ZKSCAN1: variants seen among roughly 807,000 people sequenced by gnomAD.
ZKSCAN1 encodes zinc finger with KRAB and SCAN domains 1.
In ZKSCAN1, 14 loss-of-function variants were observed where a neutral mutation model predicts 51.6. The ratio of observed to expected loss-of-function variants is 0.27; its 90% CI spans 0.18 to 0.42. ZKSCAN1 has a LOEUF of 0.42. Among genes scored for constraint, ZKSCAN1 ranks in the 10% least tolerant of loss-of-function variants. ZKSCAN1 has a pLI of 1.00. For missense variants in ZKSCAN1, 531 were observed against 710.0 expected (o/e 0.75, Z 2.86); for synonymous variants, 263 against 261.5 (o/e 1.01, Z -0.06).
downstream of ZKSCAN1, among the ~76,000 whole-genome samples, chr7:100,042,009 C>T (rs1463719470): frequency 2.0e-5 from 3 of 152,050 alleles, no homozygotes; most frequent in African/African-American, 7.2e-5. Flanking sequence ...TTACTGATAA[C>T]AACAGACTCT....
At position 100,027,837 on chromosome 7, in the gene ZKSCAN1, A is replaced by T. The variant is rs984939777; in HGVS notation, c.581-2024A>T. The stretch of plus-strand genomic sequence containing the variant: ...TAAGGTTTCTCCACACTCTACAAGC[A>T]GAAGTCACAGGGCGACCTTAGGAAA... On this transcript the variant is annotated intron_variant, in intron 3 of 5. Coordinates refer to ENST00000324306, the MANE Select transcript of ZKSCAN1 (RefSeq NM_003439.4). Among the ~76,000 whole-genome samples the T allele has an allele frequency of 7.9e-5, 12 of 151,560 alleles. 1 individual carries two copies. The highest frequency in any genetic ancestry group is 7.9e-4 in the Admixed American group (12 of 15,162).
chr7:100,044,740 T>C (rs1791681479), downstream of ZKSCAN1: 5 of 815,774 alleles, frequency 6.1e-6, no homozygotes, highest in Non-Finnish European at 7.4e-6. Context: ...GAAGTTTAAC[T>C]CCACCATTCC....
chr7:100,043,878 G>C (rs1791659524), downstream of ZKSCAN1, among the ~76,000 whole-genome samples: 1 of 137,628 alleles, frequency 7.3e-6, no homozygotes, highest in South Asian at 2.5e-4. Flanking sequence ...CTGGGTTCAA[G>C]TGATTCTCCT....
At chr7:100,016,638 T>C (rs1187244965) in intron 1 of ZKSCAN1, among the ~76,000 whole-genome samples, 2 of 152,312 alleles carry the variant, frequency 1.3e-5, no homozygotes, top group East Asian at 3.9e-4. Context: ...ACAGTTTAGC[T>C]TGACACTCCT....
chr7:100,030,539 A>G (rs1341040279), intron 5 of ZKSCAN1, among the ~76,000 whole-genome samples, 164 bp downstream of exon 5: 1 of 152,210 alleles, frequency 6.6e-6, no homozygotes, highest in East Asian at 1.9e-4. Flanking sequence ...ATTTAACTCC[A>G]GAAGCATGGT....
In ZKSCAN1 at chr7:100,034,118, T is replaced by C; in HGVS notation, c.1613T>C (p.Ile538Thr). The stretch of plus-strand genomic sequence containing the variant: ...TCCACCCTCACTCTGCATCACAGAA[T>C]CCATGCCAGAGAGAGAGCCTCTGAG... Reference protein sequence around the residue: ...RSSTLTLHHRIHARERASEYS... With the variant: ...RSSTLTLHHRTHARERASEYS... Residue 538 changes from isoleucine (I) to threonine (T), a missense_variant, in exon 6 of 6, where the codon ATC becomes ACC. Ile to Thr is a moderately conservative substitution (Grantham distance 89). Coordinates refer to ENST00000324306, the MANE Select transcript of ZKSCAN1 (RefSeq NM_003439.4). 1 of 1,601,648 alleles carries C rather than the reference T, an allele frequency of 6.2e-7. No homozygotes were observed.
chr7:100,022,987 G>A (rs1037456442), intron 1 of ZKSCAN1, among the ~76,000 whole-genome samples: 6 of 151,902 alleles, frequency 3.9e-5, no homozygotes, highest in African/African-American at 9.7e-5. Context: ...AGTGGAGATT[G>A]TACAGTTTTT....
chr7:100,022,606 C>G (rs1790637298), intron 1 of ZKSCAN1, among the ~76,000 whole-genome samples: 1 of 152,180 alleles, frequency 6.6e-6, no homozygotes, highest in Non-Finnish European at 1.5e-5. Flanking sequence ...ATAAAAATAG[C>G]AAAAGTAGCT....
chr7:100,026,697 C>A (rs560686239), intron 3 of ZKSCAN1, among the ~76,000 whole-genome samples: 63 of 151,740 alleles, frequency 4.2e-4, no homozygotes, highest in Non-Finnish European at 7.9e-4. Context: ...TGCACTCCAG[C>A]CTGGGTGACA....
Position 100,038,349 on chromosome 7 carries a change from A to G in ZKSCAN1, c.*4152A>G. On this transcript the variant is annotated 3_prime_UTR_variant, in exon 6 of 6. Coordinates refer to ENST00000324306, the MANE Select transcript of ZKSCAN1 (RefSeq NM_003439.4). ...GTGATTGTAGACAAAAAGTCGGTTCACAGAACGGAGCAGCGGGGAGAGGAA... is the reference window on the plus strand; with the variant it reads ...GTGATTGTAGACAAAAAGTCGGTTCGCAGAACGGAGCAGCGGGGAGAGGAA... The G allele has an allele frequency of 1.0e-6, 1 of 985,490 alleles. No individual in the cohort carries two copies. Among genetic ancestry groups the G allele is most frequent in the Non-Finnish European group, 1.2e-6 (1 of 829,922 alleles). 61.0% of individuals were successfully genotyped at this position (985,490 alleles called of 1,614,324 possible).
At chr7:100,022,150 G>T (rs1213414247) in intron 1 of ZKSCAN1, among the ~76,000 whole-genome samples, 1 of 152,198 alleles carries the variant, frequency 6.6e-6, no homozygotes, top group Non-Finnish European at 1.5e-5. Context: ...CGCCTCCTGG[G>T]TTCAAGTGAT....
rs758811627 is a variant in ZKSCAN1, at chr7:100,033,949, A to G, written c.1444A>G (p.Ile482Val). Residue 482 changes from isoleucine to valine, a missense_variant, in exon 6 of 6, where the codon ATT becomes GTT. By Grantham distance (29) the Ile-to-Val change is conservative. Around this residue, in one of 2 missense-constraint regions of ZKSCAN1, gnomAD observed 128 missense variants for 219.5 expected, o/e 0.58. Transcript: ENST00000324306. The surrounding 1 kb of genome is among the most constrained non-coding windows in gnomAD (Gnocchi z 4.1). ...QSSDLTKHQRIHTGEKPYECS... is the reference protein window; with the variant it reads ...QSSDLTKHQRVHTGEKPYECS... ...CTCGGACCTCACCAAGCATCAGAGAATTCACACGGGGGAGAAACCCTATGA... is the reference window on the plus strand; with the variant it reads ...CTCGGACCTCACCAAGCATCAGAGAGTTCACACGGGGGAGAAACCCTATGA... The G allele has an allele frequency of 1.1e-5, 18 of 1,614,116 alleles. No homozygotes were observed. The highest frequency in any genetic ancestry group is 1.5e-5 in the Non-Finnish European group (18 of 1,180,042).
chr7:100,041,119 CTTGTTTAT>C lies in ZKSCAN1; in HGVS notation c.*6927_*6934del, dbSNP rs1791576128. On this transcript the variant is annotated 3_prime_UTR_variant, in exon 6 of 6. Coordinates refer to ENST00000324306, the MANE Select transcript of ZKSCAN1 (RefSeq NM_003439.4). ...TATAGAGGGCTAACTCAGGCATTGT[CTTGTTTAT>C]TTGTAGACTGGATTAAAAACAACCT... 1 of 831,630 alleles carries C rather than the reference CTTGTTTAT, an allele frequency of 1.2e-6. No individual in the cohort carries two copies. The highest frequency in any genetic ancestry group is 5.5e-5 in the South Asian group (1 of 18,210). The allele number at this position is 831,630 out of a possible 1,614,324, so 51.5% of individuals were successfully genotyped here.
intron 1 of ZKSCAN1, among the ~76,000 whole-genome samples, chr7:100,017,147 T>C (rs35414630): frequency 0.17 from 26,465 of 152,064 alleles, 2,346 homozygotes; most frequent in Non-Finnish European, 0.18. Flanking sequence ...TCTTTTAAGG[T>C]AGCTTTTTCA....
intron 1 of ZKSCAN1, chr7:100,016,843 C>T (rs1024846937): frequency 1.3e-5 from 2 of 152,196 alleles, no homozygotes; most frequent in Non-Finnish European, 2.9e-5. Context: ...ATCAGCAAAG[C>T]ACTGTTAGTA....
chr7:100,039,891 A>G lies in ZKSCAN1; in HGVS notation c.*5694A>G. ...GAAAAGTCAGTGATATAAATAGATC[A>G]TTTCATAGAAATTAGGGTAGATTTT... On this transcript the variant is annotated 3_prime_UTR_variant, in exon 6 of 6. Coordinates refer to ENST00000324306, the MANE Select transcript of ZKSCAN1 (RefSeq NM_003439.4). 3.0e-6 allele frequency: 3 copies of G among 983,914 alleles called. No individual in the cohort carries two copies. The highest frequency in any genetic ancestry group is 3.6e-6 in the Non-Finnish European group (3 of 828,556). The allele number at this position is 983,914 out of a possible 1,614,324, so 60.9% of individuals were successfully genotyped here. A position where few individuals can be genotyped will look rare whatever the true frequency, so the allele number is the denominator to read the frequency against.
At chr7:100,027,210 C>T (rs777260047) in intron 3 of ZKSCAN1, among the ~76,000 whole-genome samples, 8 of 151,160 alleles carry the variant, frequency 5.3e-5, no homozygotes, top group Middle Eastern at 3.5e-3. Context: ...GACACAAGAA[C>T]GCTTGAACCC....
rs2115852228 is a variant in ZKSCAN1, at chr7:100,023,654, C to G, written c.148C>G (p.Pro50Ala). 6.2e-7 allele frequency: 1 copy of G among 1,614,130 alleles called. No homozygotes were observed. The highest frequency in any genetic ancestry group is 1.1e-5 in the South Asian group (1 of 91,074). ...TTCCACCCTACAGGACACGCCTCCT[C>G]CAGACCCAGAGATATTCCGCCAACG... ...QDSTLQDTPP[P>A]DPEIFRQRFR... is the part of the protein sequence containing the mutation. Residue 50 changes from proline to alanine, a missense_variant, in exon 2 of 6, where the codon CCA (proline) becomes GCA (alanine). Physicochemically the swap from Pro to Ala is conservative, Grantham distance 27. Transcript: ENST00000324306.
chr7:100,038,059 G>T lies in ZKSCAN1; in HGVS notation c.*3862G>T. ...TGCGGGGGGGTGCTCAATCTTAACT[G>T]CAGAGGATCTACAGATGAAAAAAAA... On this transcript the variant is annotated 3_prime_UTR_variant, in exon 6 of 6. Transcript: ENST00000324306. 1.0e-6 allele frequency: 1 copy of T among 985,024 alleles called. No individual in the cohort carries two copies. Among genetic ancestry groups the T allele is most frequent in the Non-Finnish European group, 1.2e-6 (1 of 829,864 alleles). 61.0% of individuals were successfully genotyped at this position (985,024 alleles called of 1,614,324 possible).
Sources: gnomAD v4.1 joint callset for allele counts (sites outside exome capture counted in the v4.1 genomes callset) on GRCh38, gnomAD v4.1.1 for gene constraint, gnomAD v4.1.1 regional missense constraint, Gnocchi (gnomAD v3.1) non-coding constraint, MANE v1.5 for transcripts, NCBI Gene and HGNC (gene_info 2026-07-23, HGNC 2026-07-21) for gene names.